ADARB2: variants seen among roughly 807,000 people sequenced by gnomAD.
ADARB2 encodes the protein adenosine deaminase RNA specific B2 (inactive), also known as inactive double-stranded RNA-specific editase B2.
ADARB2 carries 25 observed loss-of-function variants against 62.2 expected under a neutral mutation model. The ratio of observed to expected loss-of-function variants is 0.40; its 90% confidence interval spans 0.29 to 0.56. The LOEUF (loss-of-function observed/expected upper bound fraction) is 0.56, where lower values mean the gene tolerates loss of function less well. Among genes scored for constraint, ADARB2 ranks in the 20% least tolerant of loss-of-function variants. The pLI, the probability that ADARB2 is intolerant of heterozygous loss-of-function variation, is 0.43. For missense variants in ADARB2, 1,071 were observed against 1,077.4 expected (o/e 0.99, Z 0.08); for synonymous variants, 572 against 500.8 (o/e 1.14, Z -1.90).
At chr10:1,536,828 C>T (rs938896119) in intron 1 of ADARB2, among the ~76,000 whole-genome samples, 1 of 152,226 alleles carries the variant, frequency 6.6e-6, no homozygotes, top group Non-Finnish European at 1.5e-5. Context: ...GGATTAAAGA[C>T]TTAAATGTAA....
chr10:1,547,577 A>T (rs1459331976), intron 1 of ADARB2, among the ~76,000 whole-genome samples: 1 of 72,616 alleles, frequency 1.4e-5, no homozygotes, highest in Non-Finnish European at 2.7e-5. Context: ...GGGGAGGGGG[A>T]GAGAGGCTGT....
intron 3 of ADARB2, among the ~76,000 whole-genome samples, chr10:1,283,433 GTGTGCACAGCT>G (rs1488251940): frequency 6.6e-6 from 1 of 152,238 alleles, no homozygotes; most frequent in African/African-American, 2.4e-5. Context: ...ATTAATGGTA[GTGTGCACAGCT>G]TAGGACACGT....
chr10:1,616,379 A>T (rs943419222), intron 1 of ADARB2, among the ~76,000 whole-genome samples: 1 of 152,152 alleles, frequency 6.6e-6, no homozygotes, highest in Non-Finnish European at 1.5e-5. Context: ...CTCCAGACAC[A>T]CTCTACCCTG....
chr10:1,560,609 A>T (rs1409976204), intron 1 of ADARB2, among the ~76,000 whole-genome samples: 6 of 146,580 alleles, frequency 4.1e-5, no homozygotes, highest in African/African-American at 1.3e-4. Context: ...AGAGTTCTCC[A>T]GCAAAGCTGG....
intron 1 of ADARB2, among the ~76,000 whole-genome samples, chr10:1,425,782 A>T (rs2131887298): frequency 6.6e-6 from 1 of 152,320 alleles, no homozygotes; most frequent in Middle Eastern, 3.4e-3. Context: ...CATGATGGAG[A>T]TTGAGCTGGA....
intron 1 of ADARB2, among the ~76,000 whole-genome samples, chr10:1,446,057 A>T (rs1280593068): frequency 1.9e-4 from 8 of 42,930 alleles, no homozygotes; most frequent in Non-Finnish European, 2.2e-4. Flanking sequence ...AGGACGAGGA[A>T]TGGAAGGGAG....
intron 4 of ADARB2, among the ~76,000 whole-genome samples, chr10:1,265,041 A>G (rs1831180817): frequency 6.6e-6 from 1 of 152,206 alleles, no homozygotes; most frequent in Non-Finnish European, 1.5e-5. Context: ...GAGGTAATGC[A>G]TGGTCACCAC....
intron 1 of ADARB2, among the ~76,000 whole-genome samples, chr10:1,409,289 A>C (rs914919577): frequency 6.6e-6 from 1 of 151,194 alleles, no homozygotes; most frequent in East Asian, 2.0e-4. Context: ...GCGGGCTCCC[A>C]CTTCGTCAGT....
intron 1 of ADARB2, among the ~76,000 whole-genome samples, chr10:1,573,996 T>C (rs929042800): frequency 1.3e-5 from 2 of 152,236 alleles, no homozygotes; most frequent in Non-Finnish European, 2.9e-5. Context: ...ATTAAAACAA[T>C]GACAAGACCT....
intron 1 of ADARB2, among the ~76,000 whole-genome samples, chr10:1,440,814 G>A (rs1421629380): frequency 1.3e-5 from 2 of 152,168 alleles, no homozygotes; most frequent in African/African-American, 2.4e-5. Flanking sequence ...TAATGAAATG[G>A]GGTCCTCAAG....
chr10:1,653,084 G>C (rs370126502), intron 1 of ADARB2, among the ~76,000 whole-genome samples: 126 of 152,310 alleles, frequency 8.3e-4, no homozygotes, highest in African/African-American at 2.7e-3. Flanking sequence ...CCCTGCAAAA[G>C]GGTGGCTGAT....
chr10:1,332,277 G>A (rs11250424), intron 3 of ADARB2, among the ~76,000 whole-genome samples: 360 of 152,194 alleles, frequency 2.4e-3, no homozygotes, highest in African/African-American at 7.8e-3. Context: ...GGTGGTGGAC[G>A]TCTATAGTCC....
Position 1,183,259 on chromosome 10 carries a change from C to T in ADARB2, c.2154G>A (p.Gln718=). The change falls in exon 10 of 10, where the codon CAG becomes CAA. Residue 718 remains glutamine (Q), a synonymous_variant. Coordinates refer to ENST00000381312, the MANE Select transcript of ADARB2 (RefSeq NM_018702.4). ...TCACCCAGGTGCCCAGGCCAGCCTTCTGAAAGGCCTTGAACAGCTGCTGTT... is the reference window on the plus strand; with the variant it reads ...TCACCCAGGTGCCCAGGCCAGCCTTTTGAAAGGCCTTGAACAGCTGCTGTT... The part of the protein sequence containing the change: ...SVKQQLFKAF[Q]KAGLGTWVRK... 6.2e-7 allele frequency: 1 copy of T among 1,614,130 alleles called. No homozygotes were observed. The highest frequency in any genetic ancestry group is 8.5e-7 in the Non-Finnish European group (1 of 1,180,032).
At chr10:1,289,281 G>A (rs182871690) in intron 3 of ADARB2, among the ~76,000 whole-genome samples, 8 of 152,318 alleles carry the variant, frequency 5.3e-5, no homozygotes, top group East Asian at 3.9e-4. Context: ...AATCCTACAC[G>A]TATTGAATGA....
At chr10:1,662,974 C>G (rs78399934) in intron 1 of ADARB2, among the ~76,000 whole-genome samples, 3 of 152,164 alleles carry the variant, frequency 2.0e-5, no homozygotes, top group African/African-American at 4.8e-5. Flanking sequence ...ATCAACCAGA[C>G]GCGGAACACG....
intron 1 of ADARB2, among the ~76,000 whole-genome samples, chr10:1,626,807 T>A (rs1328138042): frequency 1.3e-5 from 2 of 152,206 alleles, no homozygotes; most frequent in Non-Finnish European, 2.9e-5. Context: ...TGTTGTATTA[T>A]ATATAGTTTA....
intron 2 of ADARB2, among the ~76,000 whole-genome samples, chr10:1,374,202 A>T (rs1832402055): frequency 6.6e-6 from 1 of 152,214 alleles, no homozygotes; most frequent in African/African-American, 2.4e-5. Context: ...CTTCCACTGT[A>T]GAAATTAGAG....
intron 2 of ADARB2, among the ~76,000 whole-genome samples, chr10:1,373,171 C>A (rs12766316): frequency 0.12 from 18,779 of 152,132 alleles, 1,176 homozygotes; most frequent in South Asian, 0.21. Context: ...CAGATCCCGA[C>A]TTGACAAAGC....
chr10:1,457,997 C>A (rs1831118428), intron 1 of ADARB2, among the ~76,000 whole-genome samples: 1 of 80,562 alleles, frequency 1.2e-5, no homozygotes, highest in Admixed American at 1.4e-4. Flanking sequence ...GCTTACCCTC[C>A]CTCCTTTCTC....
Sources: allele counts gnomAD v4.1 joint callset (sites outside exome capture counted in the v4.1 genomes callset), GRCh38; gene constraint gnomAD v4.1.1; transcripts MANE v1.5; gene names NCBI Gene and HGNC (gene_info 2026-07-23, HGNC 2026-07-21).